Variants in AGBL1 observed in about 807,000 individuals in gnomAD.
The protein encoded by AGBL1 is AGBL carboxypeptidase 1.
Under a neutral mutation model 118.9 loss-of-function variants are expected in AGBL1, and 130 were observed. That is an observed-to-expected ratio of 1.09 (90% confidence interval 0.95 to 1.26). AGBL1 has a LOEUF of 1.26. Among genes scored for constraint, AGBL1 ranks in the 50% most tolerant of loss-of-function variants. The probability of loss-of-function intolerance (pLI) is 0.00; values close to 1 mark genes in which losing one functional copy is unlikely to be tolerated. For synonymous variants in AGBL1, 555 were observed against 478.9 expected, an observed-to-expected ratio of 1.16 and a Z score of -2.08; for missense variants, 1,584 against 1,298.1, an observed-to-expected ratio of 1.22 and a Z score of -3.38.
At chr15:86,610,848 G>A (rs117641943) in intron 21 of AGBL1, among the ~76,000 whole-genome samples, 1,645 of 152,180 alleles carry the variant, frequency 0.011, 104 homozygotes, top group Admixed American at 0.089. Context: ...TATTTGTAGA[G>A]GTCGTGATAT....
intron 18 of AGBL1, among the ~76,000 whole-genome samples, chr15:86,509,780 G>A (rs1457115850): frequency 6.6e-6 from 1 of 151,812 alleles, no homozygotes; most frequent in Admixed American, 6.6e-5. Context: ...CCTAGAATTA[G>A]CATTTTCAAA....
chr15:86,247,831 G>A lies in AGBL1; in HGVS notation c.687G>A (p.Glu229=), dbSNP rs1567153407. 4.3e-6 allele frequency: 7 copies of A among 1,613,972 alleles called. No individual in the cohort carries two copies. The highest frequency in any genetic ancestry group is 1.1e-5 in the South Asian group (1 of 91,084). Residue 229 remains glutamate (E), a synonymous_variant, in exon 7 of 23, where the codon GAG becomes GAA. Transcript: ENST00000614907. ...TTGCTGCCCTCCGGTCCGGCAGGGA[G>A]GCCTTCCTGGCAGCACAGGGCATGG... The part of the protein sequence containing the change: ...RHIAALRSGR[E]AFLAAQGMEI...
chr15:86,978,187 T>C (rs1420454006), intron 23 of AGBL1, among the ~76,000 whole-genome samples: 3 of 152,130 alleles, frequency 2.0e-5, no homozygotes, highest in African/African-American at 7.2e-5. Flanking sequence ...CACACTTAGG[T>C]TGAAATTTTC....
At chr15:86,690,936 G>C (rs1355812306) in intron 22 of AGBL1, among the ~76,000 whole-genome samples, 1 of 152,036 alleles carries the variant, frequency 6.6e-6, no homozygotes, top group Non-Finnish European at 1.5e-5. Flanking sequence ...GTTCATAATT[G>C]TATTATTAAT....
intron 21 of AGBL1, among the ~76,000 whole-genome samples, chr15:86,635,309 T>TCCCCC (rs2085062900): frequency 2.9e-4 from 1 of 3,418 alleles, no homozygotes; most frequent in African/African-American, 5.0e-4. Flanking sequence ...CCCCTCCTCC[T>TCCCCC]CCTCCTCCTC....
chr15:86,194,910 T>G (rs1252947101), intron 5 of AGBL1, among the ~76,000 whole-genome samples: 1 of 152,230 alleles, frequency 6.6e-6, no homozygotes, highest in Non-Finnish European at 1.5e-5. Flanking sequence ...TAGGTCTTAC[T>G]GTAGAACTTG....
intron 24 of AGBL1, among the ~76,000 whole-genome samples, chr15:87,025,099 T>G (rs1897652): frequency 0.041 from 6,176 of 152,036 alleles, 404 homozygotes; most frequent in African/African-American, 0.14. Context: ...TCACCACTCC[T>G]CTTCAACTTA....
chr15:86,554,583 A>C lies in AGBL1; in HGVS notation c.2994+46A>C, dbSNP rs890537961. On this transcript the variant is annotated intron_variant, in intron 21 of 22. Transcript: ENST00000614907. Reference sequence around the variant, plus strand: ...CCCATACTTTCTGTCCAGCAACAATACATAGAAATTATAGACAGCTCGTAC... The same window carrying C: ...CCCATACTTTCTGTCCAGCAACAATCCATAGAAATTATAGACAGCTCGTAC... 3 of 1,403,756 alleles carry C rather than the reference A, an allele frequency of 2.1e-6. No individual in the cohort carries two copies. The African/African-American group carries it at 4.5e-5, about 21-fold the overall frequency. 87.0% of individuals were successfully genotyped at this position (1,403,756 alleles called of 1,614,324 possible). A position where few individuals can be genotyped will look rare whatever the true frequency, so the allele number is the denominator to read the frequency against.
intron 22 of AGBL1, among the ~76,000 whole-genome samples, chr15:86,723,876 G>C (rs1026334106): frequency 1.3e-5 from 2 of 152,110 alleles, no homozygotes; most frequent in East Asian, 3.9e-4. Context: ...AATTGTTGGA[G>C]TCAAAGTTTG....
At position 86,915,206 on chromosome 15, in the gene AGBL1, C is replaced by T. The variant is rs2080403859; in HGVS notation, c.*7912C>T. 6.6e-6 allele frequency: 1 copy of T among 152,226 alleles called. No individual in the cohort carries two copies. Among genetic ancestry groups the T allele is most frequent in the African/African-American group, 2.4e-5 (1 of 41,432 alleles). 9.4% of individuals were successfully genotyped at this position (152,226 alleles called of 1,614,324 possible). A position where few individuals can be genotyped will look rare whatever the true frequency, so the allele number is the denominator to read the frequency against. ...CAAGTTTTCTTACCACTCTTCTCAC[C>T]TTTGGTTGTGCTTCCTTTCCAACCC... On this transcript the variant is annotated 3_prime_UTR_variant, in exon 23 of 23. Transcript: ENST00000614907.
At chr15:86,177,561 A>G (rs1279404793) in intron 5 of AGBL1, among the ~76,000 whole-genome samples, 1 of 152,242 alleles carries the variant, frequency 6.6e-6, no homozygotes, top group African/African-American at 2.4e-5. Context: ...AGCCAGTCAC[A>G]ATGAATTTAT....
At chr15:86,404,630 A>G (rs2081496835) in intron 18 of AGBL1, among the ~76,000 whole-genome samples, 1 of 152,230 alleles carries the variant, frequency 6.6e-6, no homozygotes, top group African/African-American at 2.4e-5. Context: ...TCATTTGAAC[A>G]AGTAAGAATG....
At chr15:86,405,248 A>G (rs932185837) in intron 18 of AGBL1, among the ~76,000 whole-genome samples, 1 of 152,190 alleles carries the variant, frequency 6.6e-6, no homozygotes, top group Non-Finnish European at 1.5e-5. Context: ...GCGGTGGCTC[A>G]TGCCTGTAAT....
chr15:86,083,585 G>T (rs1209751080), intron 1 of AGBL1: 1 of 152,218 alleles, frequency 6.6e-6, no homozygotes, highest in Non-Finnish European at 1.5e-5. Context: ...TGAGGCTGCA[G>T]GATGTGGGGC....
At chr15:86,627,153 A>C (rs112852827) in intron 21 of AGBL1, among the ~76,000 whole-genome samples, 11,908 of 152,026 alleles carry the variant, frequency 0.078, 596 homozygotes, top group Non-Finnish European at 0.089. Context: ...GGCATGCGCC[A>C]CCACCCCCAG....
chr15:86,960,903 G>C (rs2594342), intron 23 of AGBL1, among the ~76,000 whole-genome samples: 1 of 151,756 alleles, frequency 6.6e-6, no homozygotes, highest in Non-Finnish European at 1.5e-5. Context: ...AGGAACATGG[G>C]ATAGAATGGT....
chr15:87,027,777 C>T lies in AGBL1; in HGVS notation c.3324-1048C>T, dbSNP rs1408274872. ...AGCCATTATCCTCAGCAAACTAATG[C>T]GGGAACAGAAAGCCAAACACCATGT... On this transcript the variant is annotated intron_variant, in intron 24 of 24. Transcript: ENST00000441037. Among the ~76,000 whole-genome samples the T allele has an allele frequency of 4.0e-5, 6 of 151,852 alleles. 1 individual carries two copies. Among genetic ancestry groups the T allele is most frequent in the African/African-American group, 9.7e-5 (4 of 41,386 alleles).
chr15:86,766,860 C>T (rs2078103325), intron 22 of AGBL1, among the ~76,000 whole-genome samples: 1 of 151,884 alleles, frequency 6.6e-6, no homozygotes, highest in South Asian at 2.1e-4. Context: ...TCTACACACA[C>T]ACACACACAC....
chr15:86,478,168 G>A lies in AGBL1; in HGVS notation c.2556-44642G>A, dbSNP rs894060253. 7.9e-5 allele frequency among the ~76,000 whole-genome samples: 12 copies of A among 152,112 alleles called. 1 individual carries two copies. Among genetic ancestry groups the A allele is most frequent in the African/African-American group, 2.9e-4 (12 of 41,402 alleles). Reference sequence around the variant, plus strand: ...CTGGAAGCATTCCCTTTGAAAACGGGCACAAGACAGAGATGCCCTCTCTCA... The same window carrying A: ...CTGGAAGCATTCCCTTTGAAAACGGACACAAGACAGAGATGCCCTCTCTCA... On this transcript the variant is annotated intron_variant, in intron 18 of 22. Transcript: ENST00000614907.
Sources: gnomAD v4.1 joint callset for allele counts (sites outside exome capture counted in the v4.1 genomes callset) on GRCh38, gnomAD v4.1.1 for gene constraint, MANE v1.5 for transcripts, NCBI Gene and HGNC (gene_info 2026-07-23, HGNC 2026-07-21) for gene names.